The following KALRN variants were observed in gnomAD, a reference collection of about 807,000 sequenced individuals.
KALRN encodes the protein kalirin.
A neutral mutation model predicts 353.7 loss-of-function variants in KALRN; 70 were observed. The ratio of observed to expected loss-of-function variants is 0.20; its 90% CI spans 0.16 to 0.24. The LOEUF is 0.24. Ranked by LOEUF, KALRN falls within the 10% of genes least tolerant of loss-of-function variation. KALRN has a pLI of 1.00. For missense variants in KALRN, 2,791 were observed against 3,756.7 expected (o/e 0.74, Z 6.72); for synonymous variants, 1,391 against 1,434.8 (o/e 0.97, Z 0.69).
rs1196414925 is a variant in KALRN, at chr3:124,720,601, A to G, written c.*1131A>G. On this transcript the variant is annotated 3_prime_UTR_variant, in exon 60 of 60. Coordinates refer to ENST00000682506, the MANE Select transcript of KALRN (RefSeq NM_001388419.1). Reference sequence around the variant, plus strand: ...TCTAAGTCCTTTTTAAAGCCATGGAACAAAACCTGATACATCACCCTAACA... The same window carrying G: ...TCTAAGTCCTTTTTAAAGCCATGGAGCAAAACCTGATACATCACCCTAACA... The G allele has an allele frequency of 1.3e-5, 2 of 152,668 alleles. No individual in the cohort carries two copies. The highest frequency in any genetic ancestry group is 2.9e-5 in the Non-Finnish European group (2 of 68,038). 9.5% of individuals were successfully genotyped at this position (152,668 alleles called of 1,614,324 possible).
intron 34 of KALRN, chr3:124,584,723 C>T (rs1281182306): frequency 6.0e-6 from 9 of 1,492,344 alleles, no homozygotes; most frequent in Non-Finnish European, 7.1e-6. Context: ...AGGGCGGGAG[C>T]CGGCTCTCGG....
intron 1 of KALRN, among the ~76,000 whole-genome samples, chr3:124,188,635 G>T (rs1018908418): frequency 6.6e-6 from 1 of 152,152 alleles, no homozygotes; most frequent in South Asian, 2.1e-4. Context: ...GCTGGAGCAG[G>T]TGTTTCAGAG....
chr3:124,036,302 T>C (rs1396308190), intron 1 of KALRN, among the ~76,000 whole-genome samples: 2 of 152,160 alleles, frequency 1.3e-5, no homozygotes, highest in African/African-American at 2.4e-5. Flanking sequence ...CACTTATAAG[T>C]GAGAACATGA....
At chr3:124,419,290 A>T (rs2092672468) in intron 14 of KALRN, among the ~76,000 whole-genome samples, 1 of 150,822 alleles carries the variant, frequency 6.6e-6, no homozygotes, top group Non-Finnish European at 1.5e-5. Context: ...GGAAAGGAAA[A>T]AGTGAGAAAA....
At chr3:124,085,744 A>G (rs972766877) in intron 1 of KALRN, among the ~76,000 whole-genome samples, 1 of 152,240 alleles carries the variant, frequency 6.6e-6, no homozygotes, top group African/African-American at 2.4e-5. Flanking sequence ...CAGAGTAACA[A>G]GTGCTTATAG....
intron 1 of KALRN, among the ~76,000 whole-genome samples, chr3:124,183,016 T>C (rs2073810975): frequency 1.3e-5 from 2 of 152,166 alleles, no homozygotes; most frequent in South Asian, 4.1e-4. Context: ...CCCAAATTCA[T>C]ATGTTGCAGT....
At chr3:124,275,392 C>G (rs950982502) in intron 5 of KALRN, among the ~76,000 whole-genome samples, 1 of 152,134 alleles carries the variant, frequency 6.6e-6, no homozygotes. Flanking sequence ...TTCATTCTCC[C>G]CTACATATTT....
At chr3:124,582,745 C>A (rs2074748549) in intron 34 of KALRN, among the ~76,000 whole-genome samples, 1 of 144,298 alleles carries the variant, frequency 6.9e-6, no homozygotes, top group Admixed American at 7.2e-5. Flanking sequence ...AACCATGTGG[C>A]AGATGCCTTG....
At chr3:124,361,608 A>G (rs1401623321) in intron 10 of KALRN, among the ~76,000 whole-genome samples, 5 of 152,266 alleles carry the variant, frequency 3.3e-5, no homozygotes, top group African/African-American at 1.2e-4. Flanking sequence ...AAGCAACATT[A>G]GCATTGAAGA....
At chr3:124,230,808 T>TA (rs1320326904) in intron 2 of KALRN, among the ~76,000 whole-genome samples, 1 of 82,030 alleles carries the variant, frequency 1.2e-5, no homozygotes, top group African/African-American at 4.4e-5. Flanking sequence ...CTGGCTGCAT[T>TA]AAAAAAGCAA....
At chr3:124,376,930 A>G (rs191737204) in intron 10 of KALRN, among the ~76,000 whole-genome samples, 36 of 152,326 alleles carry the variant, frequency 2.4e-4, no homozygotes, top group Non-Finnish European at 4.1e-4. Flanking sequence ...CAAAAGAAAA[A>G]AAAAGGCTGT....
intron 53 of KALRN, among the ~76,000 whole-genome samples, chr3:124,695,917 A>G (rs1256387129): frequency 1.3e-5 from 2 of 152,312 alleles, no homozygotes; most frequent in Admixed American, 1.3e-4. Context: ...CCTCATGTAC[A>G]ACAAACTTGA....
rs2291988 is a variant in KALRN at position 124,650,803 on chromosome 3, T to C, written c.5665-5T>C. On this transcript the variant is annotated splice_polypyrimidine_tract_variant and splice_region_variant and intron_variant, in intron 37 of 59. Transcript: ENST00000682506. ...TTCTCTAAGCCTGTTTTTCTCTCTT[T>C]TCAGAGTCTAGAAGGAAGCTCATAC... 410,860 of 1,609,514 alleles carry C rather than the reference T, an allele frequency of 0.26. 54,409 individuals carry two copies. The highest frequency in any genetic ancestry group is 0.4 in the East Asian group (18,122 of 44,848).
In KALRN at chr3:124,132,814, C is replaced by T. The variant is rs146204622; in HGVS notation, c.74-95176C>T. 1,179 of 153,470 alleles carry T rather than the reference C, an allele frequency of 7.7e-3. 15 individuals carry two copies. The highest frequency in any genetic ancestry group is 0.025 in the African/African-American group (1,030 of 41,602). 9.5% of individuals were successfully genotyped at this position (153,470 alleles called of 1,614,324 possible). ...TGTGGGTCAGAGGCAGGGAACTAGA[C>T]CAGACCTTAACCTCTGAAGACACAA... On this transcript the variant is annotated intron_variant, in intron 1 of 59. Coordinates refer to ENST00000682506, the MANE Select transcript of KALRN (RefSeq NM_001388419.1).
At chr3:124,319,482 G>A (rs1484482339) in intron 6 of KALRN, among the ~76,000 whole-genome samples, 1 of 150,882 alleles carries the variant, frequency 6.6e-6, no homozygotes, top group Non-Finnish European at 1.5e-5. Flanking sequence ...CAGGTGTTTT[G>A]ACATCTGATA....
intron 51 of KALRN, among the ~76,000 whole-genome samples, chr3:124,682,292 A>G (rs565847137): frequency 2.6e-5 from 4 of 152,054 alleles, no homozygotes; most frequent in East Asian, 3.9e-4. Context: ...CTGGCCCCCA[A>G]CCTCACCCTT....
chr3:124,591,201 C>T (rs147070957), intron 34 of KALRN, among the ~76,000 whole-genome samples: 1 of 152,332 alleles, frequency 6.6e-6, no homozygotes, highest in East Asian at 1.9e-4. Context: ...CTCTCTCTCC[C>T]AGAGCAGCTT....
At position 124,368,116 on chromosome 3, in the gene KALRN, C is replaced by T. The variant is rs1418208299; in HGVS notation, c.1771-16729C>T. Among the ~76,000 whole-genome samples the T allele has an allele frequency of 4.7e-3, 304 of 64,500 alleles. 64 individuals are homozygous for T. Among genetic ancestry groups the T allele is most frequent in the African/African-American group, 0.014 (211 of 15,208 alleles). The allele number at this position is 64,500 out of a possible 152,430, so 42.3% of individuals were successfully genotyped here. ...CTGACCCCCCCACCTCCCTCCCGGA[C>T]GGGGCAGCTGGCCAGGCGGGGGGCT... On this transcript the variant is annotated intron_variant, in intron 10 of 59. Transcript: ENST00000682506.
At chr3:124,137,851 A>T (rs955312642) in intron 1 of KALRN, among the ~76,000 whole-genome samples, 4 of 152,108 alleles carry the variant, frequency 2.6e-5, no homozygotes, top group African/African-American at 9.7e-5. Flanking sequence ...TCTGAATGTA[A>T]TAGTGTCCTC....
Sources: gnomAD v4.1 joint callset for allele counts (sites outside exome capture counted in the v4.1 genomes callset) on GRCh38, gnomAD v4.1.1 for gene constraint, MANE v1.5 for transcripts, NCBI Gene and HGNC (gene_info 2026-07-23, HGNC 2026-07-21) for gene names.